The following ROR1 variants were observed in gnomAD, a reference collection of about 807,000 sequenced individuals.
The protein encoded by ROR1 is ROR family WNT receptor 1.
ROR1 carries 19 observed loss-of-function variants against 78.8 expected under a neutral mutation model. The observed-to-expected ratio is 0.24, with a 90% CI of 0.17 to 0.35. ROR1 has a LOEUF of 0.35. Among genes scored for constraint, ROR1 ranks in the 10% least tolerant of loss-of-function variants. ROR1 has a pLI of 1.00. For missense variants in ROR1, 917 were observed against 1,177.8 expected, an observed-to-expected ratio of 0.78 and a Z score of 3.24; for synonymous variants, 386 against 433.6, an observed-to-expected ratio of 0.89 and a Z score of 1.36.
chr1:63,856,798 T>C (rs928292288), intron 1 of ROR1, among the ~76,000 whole-genome samples: 1 of 152,222 alleles, frequency 6.6e-6, no homozygotes, highest in Non-Finnish European at 1.5e-5. Flanking sequence ...ATGGAAGTGA[T>C]ACATTTTATT....
intron 1 of ROR1, among the ~76,000 whole-genome samples, chr1:63,970,171 C>T (rs1399670141): frequency 2.0e-5 from 3 of 152,088 alleles, no homozygotes; most frequent in East Asian, 3.9e-4. Context: ...AAATCTTTAT[C>T]GAATTCCCAA....
intron 1 of ROR1, among the ~76,000 whole-genome samples, chr1:63,800,132 T>G (rs1339126077): frequency 6.6e-6 from 1 of 152,142 alleles, no homozygotes; most frequent in Non-Finnish European, 1.5e-5. Context: ...AAGGTTTGAC[T>G]TAGGAGGACT....
intron 1 of ROR1, among the ~76,000 whole-genome samples, chr1:63,960,266 T>C (rs192938092): frequency 1.6e-4 from 25 of 152,326 alleles, no homozygotes; most frequent in African/African-American, 6.0e-4. Context: ...TGGGGAGATC[T>C]TTTGGGAACG....
intron 7 of ROR1, among the ~76,000 whole-genome samples, chr1:64,158,515 C>T (rs2100729034): frequency 6.6e-6 from 1 of 152,256 alleles, no homozygotes; most frequent in Non-Finnish European, 1.5e-5. Flanking sequence ...CAGGCTTGGC[C>T]CCATAAGTCC....
In ROR1 at chr1:64,138,310, A is replaced by G. The variant is rs1232717903; in HGVS notation, c.610+814A>G. 2.6e-5 allele frequency among the ~76,000 whole-genome samples: 4 copies of G among 152,226 alleles called. No homozygotes were observed. The East Asian group carries it at 7.7e-4, about 29-fold the overall frequency. ...AATTCAGGATACCCAGTAACATTTGAATTTCAGATAAACAACGAATAATTT... is the reference window on the plus strand; with the variant it reads ...AATTCAGGATACCCAGTAACATTTGGATTTCAGATAAACAACGAATAATTT... On this transcript the variant is annotated intron_variant, in intron 5 of 8. Coordinates refer to ENST00000371079, the MANE Select transcript of ROR1 (RefSeq NM_005012.4).
chr1:64,111,423 G>C (rs1204185104), intron 4 of ROR1: 5 of 152,184 alleles, frequency 3.3e-5, no homozygotes, highest in African/African-American at 1.2e-4. Flanking sequence ...CAGTTGACTT[G>C]TAAAGTAAAT....
At chr1:63,843,156 C>T in intron 1 of ROR1, 1 of 942,056 alleles carries the variant, frequency 1.1e-6, no homozygotes, top group African/African-American at 1.6e-5. Flanking sequence ...AGATGTGGGG[C>T]TGCCAGATGC....
At chr1:63,979,461 G>T (rs1646190246) in intron 1 of ROR1, among the ~76,000 whole-genome samples, 1 of 152,182 alleles carries the variant, frequency 6.6e-6, no homozygotes, top group Non-Finnish European at 1.5e-5. Context: ...TGAGACTGGA[G>T]CCATAGAAGA....
rs566763988 is a variant in ROR1, at chr1:63,939,081, G to A, written c.92-70224G>A. 1.1e-4 allele frequency among the ~76,000 whole-genome samples: 17 copies of A among 152,252 alleles called. 1 individual carries two copies. The South Asian group carries it at 3.3e-3, about 30-fold the overall frequency. On this transcript the variant is annotated intron_variant, in intron 1 of 8. Transcript: ENST00000371079. ...TAAATTCATTTCATATAATACCCTGGGTCATTGTCTGAAGGAAGAAGGATC... is the reference window on the plus strand; with the variant it reads ...TAAATTCATTTCATATAATACCCTGAGTCATTGTCTGAAGGAAGAAGGATC...
At chr1:63,777,076 T>C (rs1644621540) in intron 1 of ROR1, among the ~76,000 whole-genome samples, 1 of 152,234 alleles carries the variant, frequency 6.6e-6, no homozygotes, top group South Asian at 2.1e-4. Flanking sequence ...TTATTTTTTC[T>C]GGTCTGTCCA....
chr1:63,906,736 C>T (rs1425582474), intron 1 of ROR1, among the ~76,000 whole-genome samples: 1 of 152,208 alleles, frequency 6.6e-6, no homozygotes, highest in Admixed American at 6.5e-5. Flanking sequence ...ATGCTTTTTA[C>T]AGAACATATG....
chr1:64,021,561 G>T (rs1646565518), intron 2 of ROR1, among the ~76,000 whole-genome samples: 1 of 152,148 alleles, frequency 6.6e-6, no homozygotes, highest in Admixed American at 6.5e-5. Context: ...CATTTCACAG[G>T]CAGGAAAACA....
intron 4 of ROR1, among the ~76,000 whole-genome samples, chr1:64,122,426 G>C (rs1033281645): frequency 6.6e-6 from 1 of 152,132 alleles, no homozygotes; most frequent in Non-Finnish European, 1.5e-5. Flanking sequence ...GTTCCTCTGT[G>C]GTTCCCCATT....
chr1:64,054,701 A>G (rs1301955700), intron 4 of ROR1, among the ~76,000 whole-genome samples: 1 of 152,218 alleles, frequency 6.6e-6, no homozygotes, highest in African/African-American at 2.4e-5. Context: ...GTTTGTACAA[A>G]TTTAAGAATA....
At chr1:64,031,360 G>T (rs911006920) in intron 2 of ROR1, among the ~76,000 whole-genome samples, 1 of 152,196 alleles carries the variant, frequency 6.6e-6, no homozygotes, top group Non-Finnish European at 1.5e-5. Flanking sequence ...ACTTAGCCTT[G>T]CTATCCTGAG....
chr1:63,850,280 G>A (rs1302660662), intron 1 of ROR1, among the ~76,000 whole-genome samples: 2 of 145,282 alleles, frequency 1.4e-5, no homozygotes, highest in Non-Finnish European at 3.0e-5. Context: ...CACAATTAAT[G>A]TACCCATTCT....
intron 1 of ROR1, among the ~76,000 whole-genome samples, chr1:63,834,121 C>G (rs919975368): frequency 6.7e-6 from 1 of 149,824 alleles, no homozygotes; most frequent in Non-Finnish European, 1.5e-5. Context: ...CTGTTAAGCT[C>G]TTGTAGTAAG....
chr1:63,783,205 G>A, intron 1 of ROR1, among the ~76,000 whole-genome samples: 1 of 152,160 alleles, frequency 6.6e-6, no homozygotes. Context: ...AGCATATGAA[G>A]GGTGGAGGAG....
chr1:63,861,522 G>A (rs1645181610), intron 1 of ROR1, among the ~76,000 whole-genome samples: 1 of 152,168 alleles, frequency 6.6e-6, no homozygotes, highest in African/African-American at 2.4e-5. Flanking sequence ...TTGTGTAGCA[G>A]TGCCTGGTTT....
Sources: gnomAD v4.1 joint callset for allele counts (sites outside exome capture counted in the v4.1 genomes callset) on GRCh38, gnomAD v4.1.1 for gene constraint, MANE v1.5 for transcripts, NCBI Gene and HGNC (gene_info 2026-07-23, HGNC 2026-07-21) for gene names.